The following PLA2G4E variants were observed in gnomAD, a reference collection of about 807,000 sequenced individuals.
The protein encoded by PLA2G4E is cytosolic phospholipase A2 epsilon.
PLA2G4E carries 84 observed loss-of-function variants against 109.1 expected under a neutral mutation model. The observed-to-expected ratio is 0.77, with a 90% CI of 0.65 to 0.92. PLA2G4E has a LOEUF of 0.92. PLA2G4E is among the 40% of genes least tolerant of loss of function. The pLI is 0.00. For synonymous variants in PLA2G4E, 469 were observed against 436.1 expected (o/e 1.08, Z -0.94); for missense variants, 1,057 against 1,076.6 (o/e 0.98, Z 0.25).
chr15:42,025,026 C>A (rs903377061), intron 1 of PLA2G4E, among the ~76,000 whole-genome samples: 2 of 151,832 alleles, frequency 1.3e-5, no homozygotes, highest in East Asian at 1.9e-4. Flanking sequence ...CAGTGAAACC[C>A]CATCTCCACT....
chr15:41,988,065 C>A, exon 16 of PLA2G4E: 1 of 1,604,716 alleles, frequency 6.2e-7, no homozygotes, highest in African/African-American at 1.3e-5. Flanking sequence ...CCTGCACTTT[C>A]TCCCTTGTCC....
intron 1 of PLA2G4E, among the ~76,000 whole-genome samples, chr15:42,037,108 G>A (rs1188218995): frequency 3.3e-5 from 5 of 152,234 alleles, no homozygotes; most frequent in Non-Finnish European, 5.9e-5. Flanking sequence ...GGGGGACTGA[G>A]GGCAGCTCCG....
At position 41,988,067 on chromosome 15, in the gene PLA2G4E, C is replaced by A; in HGVS notation, c.1813G>T (p.Glu605Ter). 6.2e-7 allele frequency: 1 copy of A among 1,605,384 alleles called. No individual in the cohort carries two copies. Among genetic ancestry groups the A allele is most frequent in the Non-Finnish European group, 8.5e-7 (1 of 1,175,602 alleles). ...CACCCACCGATGTCCTGCACTTTCT[C>A]CCTTGTCCACCTGTGGAAAAACTCC... Residue 605 changes from glutamate (E) to a stop codon, truncating the protein, a stop_gained, in exon 16 of 20, where the codon GAG becomes TAG. Coordinates refer to ENST00000399518, the Ensembl canonical transcript of PLA2G4E. LOFTEE classifies it high-confidence loss of function.
At position 41,984,121 on chromosome 15, in the gene PLA2G4E, C is replaced by A. The variant is rs945735474; in HGVS notation, c.2387-147G>T. On this transcript the variant is annotated intron_variant, in intron 19 of 19. Transcript: ENST00000399518. ...CTGTACACACGCACACCCTCACACACGCACCTGCACACCTGCAAGCTCCTC... is the reference window on the plus strand; with the variant it reads ...CTGTACACACGCACACCCTCACACAAGCACCTGCACACCTGCAAGCTCCTC... 3 of 760,604 alleles carry A rather than the reference C, an allele frequency of 3.9e-6. No homozygotes were observed. The African/African-American group carries it at 5.2e-5, about 13-fold the overall frequency. The allele number at this position is 760,604 out of a possible 1,614,324, so 47.1% of individuals were successfully genotyped here. A position where few individuals can be genotyped will look rare whatever the true frequency, so the allele number is the denominator to read the frequency against.
chr15:42,000,838 A>C (rs2141042544), intron 7 of PLA2G4E, among the ~76,000 whole-genome samples: 1 of 152,248 alleles, frequency 6.6e-6, no homozygotes, highest in African/African-American at 2.4e-5. Context: ...GGTGCTGACC[A>C]CCTCACTGAC....
chr15:42,019,844 C>G (rs1055348080), intron 1 of PLA2G4E, among the ~76,000 whole-genome samples: 2 of 152,238 alleles, frequency 1.3e-5, no homozygotes, highest in African/African-American at 4.8e-5. Flanking sequence ...CCAGGCCTGA[C>G]AGGGGCAGAT....
At chr15:42,020,974 T>G (rs2068643245) in intron 1 of PLA2G4E, among the ~76,000 whole-genome samples, 2 of 151,810 alleles carry the variant, frequency 1.3e-5, no homozygotes, top group Admixed American at 6.6e-5. Flanking sequence ...TGTCTTCTGC[T>G]TGGCATGGGT....
Position 42,020,899 on chromosome 15 carries a change from G to C in PLA2G4E, c.184-7142C>G, listed in dbSNP as rs1166295551. 4.6e-5 allele frequency among the ~76,000 whole-genome samples: 7 copies of C among 152,020 alleles called. No homozygotes were observed. In the East Asian group the frequency reaches 1.4e-3, roughly 29 times the overall value. Reference sequence around the variant, plus strand: ...CCTGGCCATGCCTCCCTGGCCCTCAGCCTCTGGCCCCAGCCACTGAGCACC... The same window carrying C: ...CCTGGCCATGCCTCCCTGGCCCTCACCCTCTGGCCCCAGCCACTGAGCACC... On this transcript the variant is annotated intron_variant, in intron 1 of 19. Transcript: ENST00000399518.
At chr15:42,038,732 G>C (rs1171870182) in intron 1 of PLA2G4E, among the ~76,000 whole-genome samples, 4 of 152,196 alleles carry the variant, frequency 2.6e-5, no homozygotes, top group Non-Finnish European at 4.4e-5. Context: ...TGTGCGGGCA[G>C]GGAGTACAAT....
intron 2 of PLA2G4E, among the ~76,000 whole-genome samples, chr15:42,011,326 G>A (rs969538835): frequency 5.3e-5 from 8 of 152,250 alleles, no homozygotes; most frequent in Non-Finnish European, 1.2e-4. Context: ...GAAGAAGACA[G>A]AAGAAAGGAC....
intron 7 of PLA2G4E, 65 bp from the exon 8 acceptor site, chr15:42,000,347 A>AG: frequency 6.9e-7 from 1 of 1,443,134 alleles, no homozygotes; most frequent in Non-Finnish European, 9.3e-7. Context: ...AACTTGGTCC[A>AG]GCAAAAAACC....
intron 1 of PLA2G4E, among the ~76,000 whole-genome samples, chr15:42,040,165 C>T (rs1202193225): frequency 6.6e-6 from 1 of 151,800 alleles, no homozygotes; most frequent in Non-Finnish European, 1.5e-5. Context: ...GTGAGACCCC[C>T]TCCATCATTC....
intron 11 of PLA2G4E, among the ~76,000 whole-genome samples, chr15:41,995,990 G>A (rs1270921799): frequency 6.6e-6 from 1 of 152,186 alleles, no homozygotes; most frequent in South Asian, 2.1e-4. Context: ...GACTGGTGAT[G>A]TGGGAAGGAG....
chr15:42,027,925 T>C (rs1486259284), intron 1 of PLA2G4E, among the ~76,000 whole-genome samples: 1 of 152,266 alleles, frequency 6.6e-6, no homozygotes, highest in Non-Finnish European at 1.5e-5. Context: ...TTAACATAAT[T>C]CATCATATGC....
intron 14 of PLA2G4E, among the ~76,000 whole-genome samples, 185 bp downstream of exon 14, chr15:41,989,936 G>A (rs938735470): frequency 5.3e-5 from 8 of 152,170 alleles, no homozygotes; most frequent in Non-Finnish European, 7.3e-5. Context: ...AGTGCCTGCC[G>A]GCCTCACCCA....
At chr15:42,027,598 C>T (rs965420212) in intron 1 of PLA2G4E, among the ~76,000 whole-genome samples, 4 of 152,316 alleles carry the variant, frequency 2.6e-5, no homozygotes, top group South Asian at 2.1e-4. Context: ...AAAACATAAG[C>T]GAGATTACGT....
chr15:41,999,398 G>T (rs1206476012), intron 10 of PLA2G4E, 126 bp downstream of exon 10: 9 of 692,230 alleles, frequency 1.3e-5, no homozygotes, highest in African/African-American at 5.3e-5. Flanking sequence ...ATGCCAGCCA[G>T]CCCATGGAAA....
intron 12 of PLA2G4E, 39 bp from the exon 13 acceptor site, chr15:41,992,998 C>T (rs1409392430): frequency 3.9e-6 from 6 of 1,553,134 alleles, no homozygotes; most frequent in South Asian, 1.2e-5. Flanking sequence ...GCTGACCCGG[C>T]CCCTGTCTGA....
chr15:42,007,679 G>C (rs748975659), intron 3 of PLA2G4E, 50 bp downstream of exon 3: 3 of 1,578,758 alleles, frequency 1.9e-6, no homozygotes, highest in Non-Finnish European at 2.6e-6. Context: ...GTGGGCAAGA[G>C]GGGAGTAAAA....
Sources: gnomAD v4.1 joint callset for allele counts (sites outside exome capture counted in the v4.1 genomes callset) on GRCh38, gnomAD v4.1.1 for gene constraint, MANE v1.5 for transcripts, NCBI Gene and HGNC (gene_info 2026-07-23, HGNC 2026-07-21) for gene names.